Variants in ZMYM4 observed in about 807,000 individuals in gnomAD.
The protein encoded by ZMYM4 is zinc finger MYM-type protein 4.
A neutral mutation model predicts 183.2 loss-of-function variants in ZMYM4; 31 were observed. The observed-to-expected ratio is 0.17, with a 90% confidence interval of 0.13 to 0.23. The LOEUF (loss-of-function observed/expected upper bound fraction) is 0.23. ZMYM4 is among the 10% of genes least tolerant of loss of function. The probability of loss-of-function intolerance (pLI) is 1.00; values close to 1 mark genes in which losing one functional copy is unlikely to be tolerated. For missense variants in ZMYM4, 1,273 were observed against 1,840.3 expected (o/e 0.69, Z 5.64); for synonymous variants, 592 against 631.2 (o/e 0.94, Z 0.93).
At position 35,358,865 on chromosome 1, in the gene ZMYM4, C is replaced by T. The variant is rs1056141310; in HGVS notation, c.86-60C>T. ...TTATTTGGTTAAATACCAGACTGAC[C>T]TTATCATTGTGGTCATCTTTAGCAC... On this transcript the variant is annotated intron_variant, in intron 2 of 29. Transcript: ENST00000314607. 8 of 1,395,048 alleles carry T rather than the reference C, an allele frequency of 5.7e-6. No homozygotes were observed. In the Admixed American group the frequency reaches 1.5e-4, roughly 27 times the overall value. 86.4% of individuals were successfully genotyped at this position (1,395,048 alleles called of 1,614,324 possible).
At chr1:35,376,548 G>A (rs746066033) in intron 7 of ZMYM4, among the ~76,000 whole-genome samples, 9 of 150,692 alleles carry the variant, frequency 6.0e-5, no homozygotes, top group African/African-American at 1.7e-4. Context: ...TTTTTGAGAC[G>A]GAGTCTCACT....
rs903045384 is a variant in ZMYM4 at position 35,310,318 on chromosome 1, A to G, written c.40-15042A>G. 8 of 250,970 alleles carry G rather than the reference A, an allele frequency of 3.2e-5. No homozygotes were observed. The East Asian group carries it at 4.0e-4, about 12-fold the overall frequency. The allele number at this position is 250,970 out of a possible 1,614,324, so 15.5% of individuals were successfully genotyped here. Reference sequence around the variant, plus strand: ...TGATTTGAAAGATTTTAAAAGGTATAAGCTCACAAGTGTAGGTAGTGTGCT... The same window carrying G: ...TGATTTGAAAGATTTTAAAAGGTATGAGCTCACAAGTGTAGGTAGTGTGCT... On this transcript the variant is annotated intron_variant, in intron 1 of 29. Coordinates refer to ENST00000314607, the MANE Select transcript of ZMYM4 (RefSeq NM_005095.3).
At chr1:35,351,752 A>T (rs1643615719) in intron 2 of ZMYM4, 1 of 357,008 alleles carries the variant, frequency 2.8e-6, no homozygotes, top group African/African-American at 2.1e-5. Flanking sequence ...ATATTTATTT[A>T]TATGATAGTT....
chr1:35,341,331 TG>T (rs1643193341), intron 2 of ZMYM4, among the ~76,000 whole-genome samples: 1 of 152,102 alleles, frequency 6.6e-6, no homozygotes, highest in Admixed American at 6.5e-5. Context: ...ATATTACTTT[TG>T]GGCAGAATCA....
At chr1:35,402,472 C>A (rs1644926309) in intron 23 of ZMYM4, among the ~76,000 whole-genome samples, 2 of 151,958 alleles carry the variant, frequency 1.3e-5, no homozygotes, top group Admixed American at 1.3e-4. Context: ...TAAAAATTAG[C>A]TGGGCATGGT....
Position 35,399,567 on chromosome 1 carries a change from C to T in ZMYM4, c.3519C>T (p.Pro1173=). 1 of 1,614,130 alleles carries T rather than the reference C, an allele frequency of 6.2e-7. No individual in the cohort carries two copies. The highest frequency in any genetic ancestry group is 8.5e-7 in the Non-Finnish European group (1 of 1,180,008). The change falls in exon 23 of 30, where the codon CCC becomes CCT. Residue 1173 remains proline, a synonymous_variant. Coordinates refer to ENST00000314607, the MANE Select transcript of ZMYM4 (RefSeq NM_005095.3). The stretch of plus-strand genomic sequence containing the variant: ...GACACAGAGATGGCTTCCCCCAACC[C>T]AGACGAAGAGTAAGCTGCAGCTTAA... ...RRRHRDGFPQ[P]RRRGRKKSIV... is the part of the protein sequence containing the mutation.
At chr1:35,386,452 A>G (rs186572554) in intron 11 of ZMYM4, among the ~76,000 whole-genome samples, 2 of 152,218 alleles carry the variant, frequency 1.3e-5, no homozygotes, top group South Asian at 2.1e-4. Flanking sequence ...GAGGTGCTAC[A>G]CTTTTAAACA....
At chr1:35,302,112 G>T (rs775271505) in intron 1 of ZMYM4, among the ~76,000 whole-genome samples, 1 of 150,340 alleles carries the variant, frequency 6.7e-6, no homozygotes, top group Non-Finnish European at 1.5e-5. Context: ...GCAGTCTCTA[G>T]AACAAGGGTC....
chr1:35,297,130 G>C (rs765891416), intron 1 of ZMYM4, among the ~76,000 whole-genome samples: 2 of 151,734 alleles, frequency 1.3e-5, no homozygotes, highest in African/African-American at 4.8e-5. Context: ...GATTACAAGC[G>C]TGAGGCACCG....
At position 35,371,406 on chromosome 1, in the gene ZMYM4, G is replaced by A. The variant is rs138730290; in HGVS notation, c.1181+779G>A. Reference sequence around the variant, plus strand: ...GCTGGGATTACAGGTGTGAGCTACCGCGCTTGGCCTATATTTTTATTTTCT... The same window carrying A: ...GCTGGGATTACAGGTGTGAGCTACCACGCTTGGCCTATATTTTTATTTTCT... On this transcript the variant is annotated intron_variant, in intron 7 of 29. Coordinates refer to ENST00000314607, the MANE Select transcript of ZMYM4 (RefSeq NM_005095.3). 6.9e-3 allele frequency among the ~76,000 whole-genome samples: 1,050 copies of A among 152,122 alleles called. 26 individuals carry two copies. The East Asian group carries it at 0.069, about 10-fold the overall frequency.
In ZMYM4 at chr1:35,361,190, A is replaced by T. The variant is rs773838912; in HGVS notation, c.608-4A>T. 1.3e-6 allele frequency: 2 copies of T among 1,584,112 alleles called. No individual in the cohort carries two copies. The highest frequency in any genetic ancestry group is 4.5e-5 in the East Asian group (2 of 44,092). ...TTTGTTTGTTTTTTTTTTCCTTTCA[A>T]TAGCTAATCAAGTTGAAGAAACATT... On this transcript the variant is annotated splice_region_variant and splice_polypyrimidine_tract_variant and intron_variant, in intron 3 of 29. Transcript: ENST00000314607.
intron 5 of ZMYM4, among the ~76,000 whole-genome samples, chr1:35,368,892 A>G (rs1457938596): frequency 6.6e-6 from 1 of 152,096 alleles, no homozygotes; most frequent in African/African-American, 2.4e-5. Context: ...AAAATTTGAT[A>G]TTTTGCTCTT....
chr1:35,293,793 C>T (rs889377578), intron 1 of ZMYM4, among the ~76,000 whole-genome samples: 1 of 151,926 alleles, frequency 6.6e-6, no homozygotes, highest in Non-Finnish European at 1.5e-5. Context: ...CCCTGGAGGT[C>T]GATGCTAGGA....
chr1:35,287,186 A>G (rs1299458077), intron 1 of ZMYM4, among the ~76,000 whole-genome samples: 1 of 148,708 alleles, frequency 6.7e-6, no homozygotes, highest in Admixed American at 6.7e-5. Flanking sequence ...TATTTTCTTG[A>G]GCAATCTCTT....
chr1:35,308,164 G>A (rs1641631744), intron 1 of ZMYM4, among the ~76,000 whole-genome samples: 1 of 151,644 alleles, frequency 6.6e-6, no homozygotes, highest in Non-Finnish European at 1.5e-5. Flanking sequence ...GCTAATTTTT[G>A]TATTTTTAGT....
chr1:35,268,821 C>T lies in ZMYM4; in HGVS notation c.-226C>T. ...AACCCCCCGAGTCCCGGCCCCCACC[C>T]CGTCCCCGGGCAGGCCCTCCCGCCC... On this transcript the variant is annotated 5_prime_UTR_variant, in exon 1 of 30. Coordinates refer to ENST00000314607, the MANE Select transcript of ZMYM4 (RefSeq NM_005095.3). 2.6e-6 allele frequency: 1 copy of T among 384,676 alleles called. No individual in the cohort carries two copies. Among genetic ancestry groups the T allele is most frequent in the Non-Finnish European group, 4.5e-6 (1 of 222,862 alleles). 23.8% of individuals were successfully genotyped at this position (384,676 alleles called of 1,614,324 possible).
chr1:35,280,515 A>G (rs1015164762), intron 1 of ZMYM4, among the ~76,000 whole-genome samples: 1 of 152,198 alleles, frequency 6.6e-6, no homozygotes, highest in African/African-American at 2.4e-5. Context: ...TGGGTTTGCC[A>G]TAAGAAATTA....
chr1:35,353,684 A>T (rs1643712391), intron 2 of ZMYM4, among the ~76,000 whole-genome samples: 2 of 152,180 alleles, frequency 1.3e-5, no homozygotes, highest in Non-Finnish European at 2.9e-5. Context: ...TGAGAAACAG[A>T]AACTGTTTCT....
At position 35,392,679 on chromosome 1, in the gene ZMYM4, G is replaced by A. The variant is rs144811243; in HGVS notation, c.2761G>A (p.Gly921Ser). 28 of 1,595,996 alleles carry A rather than the reference G, an allele frequency of 1.8e-5. No homozygotes were observed. The highest frequency in any genetic ancestry group is 3.7e-5 in the Admixed American group (2 of 54,778). ...AVPTVTAKII[G>S]DASTQTDALK... ...TCCAACAGTAACAGCGAAAATCATC[G>A]GTGATGTAAGTTTTATTACTTTTAT... is the stretch of plus-strand genomic sequence containing the variant. The change falls in exon 17 of 30, where the codon GGT becomes AGT. Residue 921 changes from glycine to serine, a missense_variant. By Grantham distance (56) the Gly-to-Ser change is moderately conservative. This residue lies in a region of ZMYM4 where 290 missense variants were observed against 353.3 expected (regional missense o/e 0.82). Coordinates refer to ENST00000314607, the MANE Select transcript of ZMYM4 (RefSeq NM_005095.3).
Sources: allele counts gnomAD v4.1 joint callset (sites outside exome capture counted in the v4.1 genomes callset), GRCh38; gene constraint gnomAD v4.1.1; regional missense constraint gnomAD v4.1.1; transcripts MANE v1.5; gene names NCBI Gene and HGNC (gene_info 2026-07-23, HGNC 2026-07-21).